The following ATP13A4 variants were observed in gnomAD, a reference collection of about 807,000 sequenced individuals.
ATP13A4 encodes probable cation-transporting ATPase 13A4.
ATP13A4 carries 114 observed loss-of-function variants against 142.5 expected under a neutral mutation model. The ratio of observed to expected loss-of-function variants is 0.80; its 90% CI spans 0.69 to 0.93. The LOEUF (loss-of-function observed/expected upper bound fraction) is 0.93, where lower values mean the gene tolerates loss of function less well. Among genes scored for constraint, ATP13A4 ranks in the 40% least tolerant of loss-of-function variants. ATP13A4 has a pLI of 0.00. For synonymous variants in ATP13A4, 488 were observed against 514.8 expected (o/e 0.95, Z 0.70); for missense variants, 1,392 against 1,454.0 (o/e 0.96, Z 0.69).
intron 2 of ATP13A4, among the ~76,000 whole-genome samples, chr3:193,577,831 T>C (rs1012695041): frequency 6.6e-6 from 1 of 152,266 alleles, no homozygotes; most frequent in African/African-American, 2.4e-5. Flanking sequence ...TATCTCATGA[T>C]AACCTTTTCT....
intron 29 of ATP13A4, among the ~76,000 whole-genome samples, chr3:193,403,234 TA>T (rs1473886295): frequency 6.6e-6 from 1 of 152,200 alleles, no homozygotes; most frequent in African/African-American, 2.4e-5. Flanking sequence ...AAAATGACAT[TA>T]AAATTACTAC....
chr3:193,544,624 A>T (rs1001262169), intron 1 of ATP13A4, among the ~76,000 whole-genome samples: 1 of 152,216 alleles, frequency 6.6e-6, no homozygotes, highest in African/African-American at 2.4e-5. Flanking sequence ...TATCCAGATG[A>T]TTTGATTTCA....
intron 2 of ATP13A4, among the ~76,000 whole-genome samples, chr3:193,576,651 A>G (rs1168508756): frequency 6.6e-6 from 1 of 152,226 alleles, no homozygotes. Context: ...AAGAAAAACT[A>G]ATCAGTTAAA....
intron 26 of ATP13A4, 30 bp downstream of exon 26, chr3:193,414,549 G>A (rs1714950232): frequency 6.2e-7 from 1 of 1,609,194 alleles, no homozygotes; most frequent in Admixed American, 1.7e-5. Flanking sequence ...ATTAGAATGT[G>A]AGAAGCAGAA....
Position 193,493,105 on chromosome 3 carries a change from T to C in ATP13A4, c.437A>G (p.Gln146Arg). ...AACAACTTACCCAATTTTCTGGAAC[T>C]GTCCTTCTAAGTAGTTCCAAACATA... ...IRYVWNYLEG[Q>R]FQKIGSLEDW... is the part of the protein sequence containing the mutation. Residue 146 changes from glutamine (Q) to arginine (R), a missense_variant, in exon 4 of 30, where the codon CAG (glutamine) becomes CGG (arginine). Coordinates refer to ENST00000342695, the MANE Select transcript of ATP13A4 (RefSeq NM_032279.4). The C allele has an allele frequency of 1.9e-6, 3 of 1,613,402 alleles. No individual in the cohort carries two copies. Among genetic ancestry groups the C allele is most frequent in the Non-Finnish European group, 2.5e-6 (3 of 1,179,646 alleles).
At chr3:193,453,558 T>C (rs1052951941) in intron 17 of ATP13A4, among the ~76,000 whole-genome samples, 2 of 152,220 alleles carry the variant, frequency 1.3e-5, no homozygotes, top group Non-Finnish European at 2.9e-5. Flanking sequence ...TAAAATTTAA[T>C]CTATAGGTTA....
intron 16 of ATP13A4, 53 bp from the exon 17 acceptor site, chr3:193,454,265 T>C: frequency 7.4e-7 from 1 of 1,353,692 alleles, no homozygotes; most frequent in Non-Finnish European, 1.1e-6. Flanking sequence ...TAGGCAGTAC[T>C]GGCAAAGAAA....
At chr3:193,486,284 A>G (rs1338413606) in intron 7 of ATP13A4, among the ~76,000 whole-genome samples, 2 of 152,270 alleles carry the variant, frequency 1.3e-5, no homozygotes, top group East Asian at 1.9e-4. Context: ...TGTAAGACCA[A>G]TGGGAATATT....
intron 29 of ATP13A4, among the ~76,000 whole-genome samples, chr3:193,403,343 G>A (rs144180535): frequency 5.9e-5 from 9 of 152,052 alleles, no homozygotes; most frequent in African/African-American, 1.7e-4. Flanking sequence ...AATTTCACAC[G>A]GGCCAGTCTT....
chr3:193,571,357 T>G (rs907151523), intron 2 of ATP13A4, among the ~76,000 whole-genome samples: 2 of 148,150 alleles, frequency 1.3e-5, no homozygotes, highest in Non-Finnish European at 3.0e-5. Flanking sequence ...GGAGAATAGA[T>G]AAATCTTCCG....
At chr3:193,548,337 T>A (rs929806059) in intron 1 of ATP13A4, among the ~76,000 whole-genome samples, 1 of 152,266 alleles carries the variant, frequency 6.6e-6, no homozygotes, top group African/African-American at 2.4e-5. Flanking sequence ...ATTCTGGGTG[T>A]AATGGGAAGG....
chr3:193,439,320 G>C (rs1716485536), intron 21 of ATP13A4, among the ~76,000 whole-genome samples: 1 of 152,308 alleles, frequency 6.6e-6, no homozygotes, highest in East Asian at 1.9e-4. Flanking sequence ...AGTTTTCTCA[G>C]CTGTAAGACA....
intron 17 of ATP13A4, among the ~76,000 whole-genome samples, chr3:193,449,019 T>C (rs970387903): frequency 2.6e-5 from 4 of 152,256 alleles, no homozygotes; most frequent in African/African-American, 9.6e-5. Context: ...TGCCAGTTTC[T>C]CCAGCAGGCA....
Position 193,423,544 on chromosome 3 carries a change from A to G in ATP13A4, c.2843-8794T>C, listed in dbSNP as rs149410718. Among the ~76,000 whole-genome samples the G allele has an allele frequency of 5.1e-3, 758 of 150,054 alleles. 47 individuals carry two copies. Among genetic ancestry groups the G allele is most frequent in the African/African-American group, 0.018 (725 of 40,976 alleles). Reference sequence around the variant, plus strand: ...AAGGATGGTTCAACATATTCAAATCAATAAACATGATACATTACATCAATA... The same window carrying G: ...AAGGATGGTTCAACATATTCAAATCGATAAACATGATACATTACATCAATA... On this transcript the variant is annotated intron_variant, in intron 25 of 29. Transcript: ENST00000342695.
chr3:193,536,834 G>A (rs1459756122), intron 1 of ATP13A4, among the ~76,000 whole-genome samples: 1 of 151,904 alleles, frequency 6.6e-6, no homozygotes, highest in Non-Finnish European at 1.5e-5. Context: ...GTAAACATAT[G>A]GGTACTGAAA....
At chr3:193,502,179 C>T (rs1488527305) in intron 3 of ATP13A4, among the ~76,000 whole-genome samples, 1 of 152,176 alleles carries the variant, frequency 6.6e-6, no homozygotes, top group Non-Finnish European at 1.5e-5. Flanking sequence ...ATGTATTGAG[C>T]ATCTGCTATA....
intron 1 of ATP13A4, among the ~76,000 whole-genome samples, chr3:193,590,112 C>T (rs1433289002): frequency 3.9e-5 from 6 of 152,214 alleles, no homozygotes; most frequent in South Asian, 2.1e-4. Context: ...ACCAGGGCAT[C>T]GCAGTAGAAA....
chr3:193,517,538 T>C (rs988709211), intron 1 of ATP13A4, among the ~76,000 whole-genome samples: 2 of 152,216 alleles, frequency 1.3e-5, no homozygotes, highest in Admixed American at 6.5e-5. Flanking sequence ...TGGAGTACAG[T>C]GGCGCGATCT....
chr3:193,471,757 G>C (rs1009508076), intron 8 of ATP13A4, among the ~76,000 whole-genome samples: 1 of 152,144 alleles, frequency 6.6e-6, no homozygotes, highest in Non-Finnish European at 1.5e-5. Context: ...CATGATAAGA[G>C]AAATGAAAGT....
Sources: allele counts gnomAD v4.1 joint callset (sites outside exome capture counted in the v4.1 genomes callset), GRCh38; gene constraint gnomAD v4.1.1; transcripts MANE v1.5; gene names NCBI Gene and HGNC (gene_info 2026-07-23, HGNC 2026-07-21).